Variants in DPP6 observed in about 807,000 individuals in gnomAD.
DPP6 encodes the protein dipeptidyl peptidase like 6.
In DPP6, 69 loss-of-function variants were observed where a neutral mutation model predicts 122.6. That is an observed-to-expected ratio of 0.56 (90% CI 0.46 to 0.69). The LOEUF (loss-of-function observed/expected upper bound fraction) is 0.69, where lower values mean the gene tolerates loss of function less well. DPP6 is among the 30% of genes least tolerant of loss of function. The probability of loss-of-function intolerance (pLI) is 0.00; values close to 1 mark genes in which losing one functional copy is unlikely to be tolerated. For synonymous variants in DPP6, 418 were observed against 433.1 expected, an observed-to-expected ratio of 0.97 and a Z score of 0.43; for missense variants, 928 against 1,116.9, an observed-to-expected ratio of 0.83 and a Z score of 2.41.
At chr7:154,622,473 G>A (rs181741166) in intron 5 of DPP6, among the ~76,000 whole-genome samples, 115 of 152,326 alleles carry the variant, frequency 7.5e-4, no homozygotes, top group Middle Eastern at 6.8e-3. Context: ...TACAGGGTCT[G>A]GTTGGACAAG....
chr7:153,828,617 C>T, the DPP6 span, among the ~76,000 whole-genome samples: 33 of 152,020 alleles, frequency 2.2e-4, no homozygotes, highest in Admixed American at 7.2e-4. Flanking sequence ...TATATTCCTG[C>T]GCAAAATATG....
intron 7 of DPP6, among the ~76,000 whole-genome samples, chr7:154,680,728 T>C (rs916038240): frequency 6.6e-6 from 1 of 152,028 alleles, no homozygotes; most frequent in Non-Finnish European, 1.5e-5. Context: ...AAATGTATTG[T>C]TAAAAATGGG....
intron 5 of DPP6, among the ~76,000 whole-genome samples, chr7:154,607,267 A>G (rs77421951): frequency 0.018 from 2,101 of 119,818 alleles, 634 homozygotes; most frequent in South Asian, 0.034. Flanking sequence ...GGACATTGCA[A>G]GAAAAAGTTG....
chr7:154,365,708 C>A (rs987968588), intron 1 of DPP6, among the ~76,000 whole-genome samples: 1 of 151,814 alleles, frequency 6.6e-6, no homozygotes, highest in Non-Finnish European at 1.5e-5. Flanking sequence ...AATCCCAGTA[C>A]TTTGGGAGGC....
chr7:154,392,939 A>T (rs1285467638), intron 1 of DPP6, among the ~76,000 whole-genome samples: 1 of 152,240 alleles, frequency 6.6e-6, no homozygotes, highest in African/African-American at 2.4e-5. Flanking sequence ...GTCAAGAGCT[A>T]CTTAAAAGAG....
At chr7:154,596,829 G>A (rs1833123141) in intron 5 of DPP6, among the ~76,000 whole-genome samples, 2 of 152,188 alleles carry the variant, frequency 1.3e-5, no homozygotes, top group African/African-American at 4.8e-5. Flanking sequence ...CTCTATTTGA[G>A]ATAAAATCCA....
intron 8 of DPP6, among the ~76,000 whole-genome samples, chr7:154,745,284 C>T (rs546038032): frequency 2.0e-5 from 3 of 152,206 alleles, no homozygotes; most frequent in Non-Finnish European, 4.4e-5. Flanking sequence ...AGTCAAGGCT[C>T]CGCACGTCCC....
intron 1 of DPP6, among the ~76,000 whole-genome samples, chr7:154,021,427 CAGG>C (rs1360868108): frequency 1.3e-5 from 2 of 152,120 alleles, no homozygotes; most frequent in African/African-American, 2.4e-5. Flanking sequence ...TGCTGTAGCC[CAGG>C]AGAAGAGGCC....
intron 1 of DPP6, among the ~76,000 whole-genome samples, chr7:154,116,629 C>G (rs1171911570): frequency 6.6e-6 from 1 of 152,196 alleles, no homozygotes; most frequent in African/African-American, 2.4e-5. Flanking sequence ...TCTCAACCGT[C>G]TTTTAAATAT....
intron 1 of DPP6, among the ~76,000 whole-genome samples, chr7:154,437,974 G>A (rs1026235172): frequency 3.7e-5 from 5 of 134,608 alleles, no homozygotes; most frequent in African/African-American, 1.2e-4. Context: ...AAATTAAATT[G>A]TAAACCAAGA....
chr7:154,893,511 A>G lies in DPP6; in HGVS notation c.*1031A>G, dbSNP rs12674376. The G allele has an allele frequency of 0.32, 45,896 of 144,182 alleles. 7,598 individuals are homozygous for G. The highest frequency in any genetic ancestry group is 0.47 in the Middle Eastern group (127 of 272). 8.9% of individuals were successfully genotyped at this position (144,182 alleles called of 1,614,324 possible). ...AAAAGACAAAGCGTCAACTCCACCCACAGGCCCGCTGTGTGTGCTCGGGCC... is the reference window on the plus strand; with the variant it reads ...AAAAGACAAAGCGTCAACTCCACCCGCAGGCCCGCTGTGTGTGCTCGGGCC... On this transcript the variant is annotated 3_prime_UTR_variant, in exon 26 of 26. Coordinates refer to ENST00000377770, the MANE Select transcript of DPP6 (RefSeq NM_130797.4).
chr7:154,046,712 C>G (rs1800033088), intron 1 of DPP6, among the ~76,000 whole-genome samples: 1 of 152,148 alleles, frequency 6.6e-6, no homozygotes, highest in Admixed American at 6.5e-5. Context: ...ACACTGGAAT[C>G]TGCAGTACTT....
At chr7:153,946,531 A>G (rs1801954889) in intron 1 of DPP6, among the ~76,000 whole-genome samples, 1 of 151,996 alleles carries the variant, frequency 6.6e-6, no homozygotes, top group Admixed American at 6.6e-5. Flanking sequence ...CTTCTTTACT[A>G]TATCTCATTT....
intron 3 of DPP6, among the ~76,000 whole-genome samples, chr7:154,538,708 T>TA (rs201417043): frequency 2.1e-5 from 3 of 142,428 alleles, no homozygotes; most frequent in East Asian, 3.9e-4. Context: ...AAGTGCTTTC[T>TA]AAAAAAAAAT....
At position 154,497,068 on chromosome 7, in the gene DPP6, A is replaced by ACTATT. The variant is rs531690417; in HGVS notation, c.457+22031_457+22032insCTATT. Among the ~76,000 whole-genome samples the ACTATT allele has an allele frequency of 7.2e-3, 1,098 of 152,212 alleles. 14 individuals are homozygous for ACTATT. The highest frequency in any genetic ancestry group is 0.025 in the African/African-American group (1,032 of 41,540). On this transcript the variant is annotated intron_variant, in intron 3 of 25. Transcript: ENST00000377770. Reference sequence around the variant, plus strand: ...GAAAGCAAACTCCCTCCCTCCCCCCATGAACCATTGTAGGTTAAAATAGCC... The same window carrying ACTATT: ...GAAAGCAAACTCCCTCCCTCCCCCCACTATTTGAACCATTGTAGGTTAAAATAGCC...
chr7:154,348,165 G>A (rs893133313), intron 1 of DPP6, among the ~76,000 whole-genome samples: 2 of 151,646 alleles, frequency 1.3e-5, no homozygotes, highest in African/African-American at 4.9e-5. Flanking sequence ...CACCTCAGGT[G>A]GTGTAATGAA....
the DPP6 span, among the ~76,000 whole-genome samples, chr7:153,862,993 T>C: frequency 1.3e-5 from 2 of 152,162 alleles, no homozygotes; most frequent in African/African-American, 4.8e-5. Context: ...AAAAATGATA[T>C]ATAAGAAGAT....
chr7:154,626,158 C>T (rs1199125237), intron 5 of DPP6, among the ~76,000 whole-genome samples: 1 of 152,042 alleles, frequency 6.6e-6, no homozygotes, highest in Non-Finnish European at 1.5e-5. Context: ...CTTTGAATTT[C>T]CTCCTAGCAA....
intron 1 of DPP6, among the ~76,000 whole-genome samples, chr7:154,242,821 C>T (rs1440071471): frequency 2.0e-5 from 3 of 152,178 alleles, no homozygotes; most frequent in East Asian, 1.9e-4. Context: ...CTGAAGGCTG[C>T]CCACACCATG....
Sources: gnomAD v4.1 joint callset for allele counts (sites outside exome capture counted in the v4.1 genomes callset) on GRCh38, gnomAD v4.1.1 for gene constraint, MANE v1.5 for transcripts, NCBI Gene and HGNC (gene_info 2026-07-23, HGNC 2026-07-21) for gene names.